Variants in KATNBL1 observed in about 807,000 individuals in gnomAD.
KATNBL1 encodes the protein katanin regulatory subunit B1 like 1, also known as KATNB1-like protein 1.
Under a neutral mutation model 44.7 loss-of-function variants are expected in KATNBL1, and 28 were observed. That is an observed-to-expected ratio of 0.63 (90% CI 0.46 to 0.86). The LOEUF is 0.86. Ranked by LOEUF, KATNBL1 falls within the 40% of genes least tolerant of loss-of-function variation. The pLI is 0.00. For synonymous variants in KATNBL1, 78 were observed against 114.9 expected (o/e 0.68, Z 2.06); for missense variants, 272 against 350.7 (o/e 0.78, Z 1.79).
At chr15:34,181,592 A>G (rs1465037437) in intron 1 of KATNBL1, among the ~76,000 whole-genome samples, 9 of 49,148 alleles carry the variant, frequency 1.8e-4, no homozygotes, top group African/African-American at 4.3e-4. Flanking sequence ...ACATATATAT[A>G]CACATATATA....
Position 34,154,685 on chromosome 15 carries a change from C to A in KATNBL1, c.118-1G>T. 1 of 1,571,046 alleles carries A rather than the reference C, an allele frequency of 6.4e-7. No homozygotes were observed. The highest frequency in any genetic ancestry group is 1.1e-5 in the South Asian group (1 of 90,028). ...CCAACTGTTTTGGAGATTTCTTAAC[C>A]TGAAAAATGAAAGTAGATAGTTGAT... On this transcript the variant is annotated splice_acceptor_variant, in intron 2 of 9. Coordinates refer to ENST00000256544, the MANE Select transcript of KATNBL1 (RefSeq NM_024713.3). LOFTEE classifies it high-confidence loss of function.
chr15:34,141,428 AG>A lies in KATNBL1; in HGVS notation c.*910del, dbSNP rs1353741350. The A allele has an allele frequency of 5.2e-5, 8 of 152,738 alleles. No individual in the cohort carries two copies. The highest frequency in any genetic ancestry group is 3.3e-4 in the Admixed American group (5 of 15,308). The allele number at this position is 152,738 out of a possible 1,614,324, so 9.5% of individuals were successfully genotyped here. A position where few individuals can be genotyped will look rare whatever the true frequency, so the allele number is the denominator to read the frequency against. ...ATATTTAGTGAATTTACTCAAATGA[AG>A]GAAGTTTAAATGATACAGGAATGAA... On this transcript the variant is annotated 3_prime_UTR_variant, in exon 10 of 10. Coordinates refer to ENST00000256544, the MANE Select transcript of KATNBL1 (RefSeq NM_024713.3).
chr15:34,205,291 G>T (rs993459974), intron 1 of KATNBL1, among the ~76,000 whole-genome samples: 1 of 152,166 alleles, frequency 6.6e-6, no homozygotes, highest in African/African-American at 2.4e-5. Flanking sequence ...TGTGCCTGAA[G>T]AGTGCCAGTT....
intron 1 of KATNBL1, among the ~76,000 whole-genome samples, chr15:34,178,542 G>A (rs909219554): frequency 2.6e-5 from 4 of 152,128 alleles, no homozygotes; most frequent in Non-Finnish European, 4.4e-5. Flanking sequence ...CAGATCACGA[G>A]GTCAGGAGAT....
intron 1 of KATNBL1, among the ~76,000 whole-genome samples, chr15:34,194,994 G>A (rs1381531421): frequency 6.6e-6 from 1 of 152,198 alleles, no homozygotes; most frequent in East Asian, 1.9e-4. Context: ...TATACTATTT[G>A]TGGGAATGTA....
chr15:34,159,860 G>C (rs571185151), intron 2 of KATNBL1, among the ~76,000 whole-genome samples: 10 of 152,086 alleles, frequency 6.6e-5, no homozygotes, highest in African/African-American at 2.4e-4. Flanking sequence ...TAAGAGTTTT[G>C]CTCTAAACCC....
intron 1 of KATNBL1, among the ~76,000 whole-genome samples, chr15:34,194,360 G>A (rs565559018): frequency 4.6e-5 from 7 of 152,074 alleles, no homozygotes; most frequent in Non-Finnish European, 7.4e-5. Flanking sequence ...TGTAATTCTA[G>A]CACTTTGAAA....
At position 34,184,576 on chromosome 15, in the gene KATNBL1, C is replaced by CTTTTCT. The variant is rs760395860; in HGVS notation, c.-14-20887_-14-20886insAGAAAA. On this transcript the variant is annotated intron_variant, in intron 1 of 9. Coordinates refer to ENST00000256544, the MANE Select transcript of KATNBL1 (RefSeq NM_024713.3). ...ATACTTCCTGTCTCTCCTAATGTTT[C>CTTTTCT]TTTTTTTTTTTTTTGAGACAGAGTC... Among the ~76,000 whole-genome samples the CTTTTCT allele has an allele frequency of 5.8e-3, 557 of 95,250 alleles. 45 individuals carry two copies. The highest frequency in any genetic ancestry group is 0.02 in the African/African-American group (523 of 25,530). 62.5% of individuals were successfully genotyped at this position (95,250 alleles called of 152,430 possible).
intron 1 of KATNBL1, among the ~76,000 whole-genome samples, chr15:34,195,441 G>A (rs1307484908): frequency 6.6e-6 from 1 of 152,120 alleles, no homozygotes; most frequent in Non-Finnish European, 1.5e-5. Flanking sequence ...GGTAGGGGTG[G>A]GAGAAAGGTG....
chr15:34,156,507 T>C (rs1479480171), intron 2 of KATNBL1, among the ~76,000 whole-genome samples: 2 of 152,238 alleles, frequency 1.3e-5, no homozygotes, highest in African/African-American at 2.4e-5. Flanking sequence ...TAACCAGGCA[T>C]TGGCATTTTG....
At chr15:34,148,793 A>G (rs1888385441) in intron 4 of KATNBL1, 43 bp from the exon 5 acceptor site, 1 of 1,097,336 alleles carries the variant, frequency 9.1e-7, no homozygotes, top group Non-Finnish European at 1.4e-6. Context: ...ACACTGAAAC[A>G]GGGTATGAAA....
At chr15:34,172,057 T>C (rs540580979) in intron 1 of KATNBL1, among the ~76,000 whole-genome samples, 13 of 152,072 alleles carry the variant, frequency 8.5e-5, no homozygotes, top group African/African-American at 3.1e-4. Context: ...GTTGTGCACA[T>C]GTACCCTGGC....
chr15:34,141,408 T>C lies in KATNBL1; in HGVS notation c.*931A>G, dbSNP rs1254980507. The C allele has an allele frequency of 6.6e-6, 1 of 152,584 alleles. No individual in the cohort carries two copies. Among genetic ancestry groups the C allele is most frequent in the Admixed American group, 6.5e-5 (1 of 15,276 alleles). 9.5% of individuals were successfully genotyped at this position (152,584 alleles called of 1,614,324 possible). A position where few individuals can be genotyped will look rare whatever the true frequency, so the allele number is the denominator to read the frequency against. ...TAAAAAAGCAAAAAATAGAAATATT[T>C]AGTGAATTTACTCAAATGAAGGAAG... On this transcript the variant is annotated 3_prime_UTR_variant, in exon 10 of 10. Transcript: ENST00000256544.
At chr15:34,157,741 G>A (rs752146497) in intron 2 of KATNBL1, among the ~76,000 whole-genome samples, 22 of 152,128 alleles carry the variant, frequency 1.4e-4, no homozygotes, top group African/African-American at 3.6e-4. Flanking sequence ...TGCTTAAGTG[G>A]CTTTTTAGAG....
chr15:34,203,471 A>C (rs1293848096), intron 1 of KATNBL1, among the ~76,000 whole-genome samples: 7 of 152,132 alleles, frequency 4.6e-5, no homozygotes, highest in Non-Finnish European at 8.8e-5. Flanking sequence ...TCTGCTTAAA[A>C]TATTCCTCCC....
rs1888136059 is a variant in KATNBL1 at position 34,140,938 on chromosome 15, G to A, written c.*1401C>T. On this transcript the variant is annotated 3_prime_UTR_variant, in exon 10 of 10. Coordinates refer to ENST00000256544, the MANE Select transcript of KATNBL1 (RefSeq NM_024713.3). ...ACTCAGTGAAACATAACTTTTAAGA[G>A]CAAGAAATCTGCTTGAGATTCGTAT... is the stretch of plus-strand genomic sequence containing the variant. The A allele has an allele frequency of 6.6e-6, 1 of 152,086 alleles. No homozygotes were observed. 9.4% of individuals were successfully genotyped at this position (152,086 alleles called of 1,614,324 possible).
chr15:34,163,948 G>A (rs190384380), intron 1 of KATNBL1, among the ~76,000 whole-genome samples: 164 of 150,992 alleles, frequency 1.1e-3, no homozygotes, highest in African/African-American at 3.8e-3. Flanking sequence ...GCTGGAGTGC[G>A]ATGGCACGAT....
At chr15:34,191,553 T>G (rs890746444) in intron 1 of KATNBL1, among the ~76,000 whole-genome samples, 31 of 152,140 alleles carry the variant, frequency 2.0e-4, no homozygotes, top group Non-Finnish European at 2.1e-4. Context: ...TGATCAGCCG[T>G]GTATGAGATA....
chr15:34,202,765 C>T (rs546875201), intron 1 of KATNBL1, among the ~76,000 whole-genome samples: 31 of 152,060 alleles, frequency 2.0e-4, no homozygotes, highest in Non-Finnish European at 3.7e-4. Context: ...CCTAGGTGGG[C>T]GGATTGCCTG....
Sources: allele counts gnomAD v4.1 joint callset (sites outside exome capture counted in the v4.1 genomes callset), GRCh38; gene constraint gnomAD v4.1.1; transcripts MANE v1.5; gene names NCBI Gene and HGNC (gene_info 2026-07-23, HGNC 2026-07-21).